Variants in NELL1 observed in about 807,000 individuals in gnomAD.
The protein encoded by NELL1 is protein kinase C-binding protein NELL1.
Under a neutral mutation model 107.4 loss-of-function variants are expected in NELL1, and 76 were observed. The ratio of observed to expected loss-of-function variants is 0.71; its 90% CI spans 0.59 to 0.86. The LOEUF (loss-of-function observed/expected upper bound fraction) is 0.86. Ranked by LOEUF, NELL1 falls within the 40% of genes least tolerant of loss-of-function variation. The pLI is 0.00. For missense variants in NELL1, 1,024 were observed against 1,005.5 expected (o/e 1.02, Z -0.25); for synonymous variants, 353 against 341.2 (o/e 1.03, Z -0.38).
intron 2 of NELL1, among the ~76,000 whole-genome samples, chr11:20,745,926 G>C (rs2133939141): frequency 6.6e-6 from 1 of 152,284 alleles, no homozygotes; most frequent in East Asian, 1.9e-4. Context: ...GCTTCTCTGT[G>C]CTGGACCTCC....
chr11:21,420,811 A>C (rs1852647155), intron 15 of NELL1, among the ~76,000 whole-genome samples: 1 of 152,162 alleles, frequency 6.6e-6, no homozygotes, highest in Admixed American at 6.5e-5. Context: ...CAGTCTTCAA[A>C]ATGGCAGTAT....
At chr11:20,846,235 T>C (rs893757852) in intron 3 of NELL1, among the ~76,000 whole-genome samples, 1 of 152,150 alleles carries the variant, frequency 6.6e-6, no homozygotes, top group African/African-American at 2.4e-5. Context: ...ACTCTCTGCT[T>C]GCCCTTCACT....
At position 21,118,780 on chromosome 11, in the gene NELL1, G is replaced by A. The variant is rs375685519; in HGVS notation, c.1426+5066G>A. Among the ~76,000 whole-genome samples, 43 of 152,026 alleles carry A rather than the reference G, an allele frequency of 2.8e-4. No homozygotes were observed. In the East Asian group the frequency reaches 5.0e-3, roughly 18 times the overall value. ...CAGCTGGTTTTATAACCATGTCAAG[G>A]TCATATTTTTTTCCTTTCTTTTGCT... On this transcript the variant is annotated intron_variant, in intron 13 of 19. Coordinates refer to ENST00000357134, the MANE Select transcript of NELL1 (RefSeq NM_006157.5).
At chr11:21,404,006 C>CCA (rs554434779) in intron 15 of NELL1, among the ~76,000 whole-genome samples, 8 of 10,254 alleles carry the variant, frequency 7.8e-4, no homozygotes, top group Non-Finnish European at 1.9e-3. Flanking sequence ...CATTCCTGAA[C>CCA]CCCCCCCCCC....
At chr11:21,405,748 T>G (rs1017043435) in intron 15 of NELL1, among the ~76,000 whole-genome samples, 1 of 151,978 alleles carries the variant, frequency 6.6e-6, no homozygotes, top group Non-Finnish European at 1.5e-5. Flanking sequence ...TGGTGAAAGA[T>G]GGACACATCA....
At chr11:21,434,343 A>G (rs1036915768) in intron 15 of NELL1, among the ~76,000 whole-genome samples, 1 of 152,082 alleles carries the variant, frequency 6.6e-6, no homozygotes, top group Non-Finnish European at 1.5e-5. Context: ...TTAAGTCTTT[A>G]ATTCATTTTT....
chr11:20,906,676 T>C (rs1417071204), intron 5 of NELL1, among the ~76,000 whole-genome samples: 2 of 151,944 alleles, frequency 1.3e-5, no homozygotes, highest in African/African-American at 4.8e-5. Context: ...CCCAGGAGAA[T>C]GGTTTAACAT....
intron 2 of NELL1, among the ~76,000 whole-genome samples, chr11:20,700,513 A>C (rs1370285254): frequency 1.3e-5 from 2 of 151,898 alleles, no homozygotes; most frequent in African/African-American, 4.8e-5. Context: ...TATATATTTC[A>C]ATAAAATTTT....
At position 21,060,772 on chromosome 11, in the gene NELL1, G is replaced by A. The variant is rs1265212351; in HGVS notation, c.1301-52817G>A. Among the ~76,000 whole-genome samples the A allele has an allele frequency of 5.3e-5, 8 of 152,154 alleles. No individual in the cohort carries two copies. The East Asian group carries it at 1.2e-3, about 22-fold the overall frequency. ...GCTGGAGTGCAATGGCATGATCTCCGCTCACTGCAACCTTCGCCTCCCAGG... is the reference window on the plus strand; with the variant it reads ...GCTGGAGTGCAATGGCATGATCTCCACTCACTGCAACCTTCGCCTCCCAGG... On this transcript the variant is annotated intron_variant, in intron 12 of 19. Coordinates refer to ENST00000357134, the MANE Select transcript of NELL1 (RefSeq NM_006157.5).
chr11:21,072,711 A>G (rs1854044247), intron 12 of NELL1, among the ~76,000 whole-genome samples: 1 of 152,212 alleles, frequency 6.6e-6, no homozygotes, highest in South Asian at 2.1e-4. Context: ...AGAGGAACTG[A>G]AAAAGAAGTG....
chr11:20,907,060 C>G (rs1590402510), intron 5 of NELL1, among the ~76,000 whole-genome samples: 1 of 151,820 alleles, frequency 6.6e-6, no homozygotes, highest in Non-Finnish European at 1.5e-5. Flanking sequence ...CTCACAGATG[C>G]CATGATTCTA....
chr11:20,949,849 C>A (rs1851036371), intron 11 of NELL1, among the ~76,000 whole-genome samples: 1 of 152,192 alleles, frequency 6.6e-6, no homozygotes, highest in Non-Finnish European at 1.5e-5. Flanking sequence ...TGATCTTAGG[C>A]AGGGCCCGTC....
At chr11:21,068,542 TACTC>T (rs1853935246) in intron 12 of NELL1, among the ~76,000 whole-genome samples, 1 of 152,196 alleles carries the variant, frequency 6.6e-6, no homozygotes, top group Non-Finnish European at 1.5e-5. Context: ...GTCTGATTCT[TACTC>T]TCTTCTCACT....
intron 14 of NELL1, among the ~76,000 whole-genome samples, chr11:21,270,561 C>T (rs993429020): frequency 6.6e-6 from 1 of 152,028 alleles, no homozygotes; most frequent in Admixed American, 6.5e-5. Context: ...GAAAGAGAAA[C>T]AGATGAATTC....
intron 15 of NELL1, among the ~76,000 whole-genome samples, chr11:21,525,231 G>A (rs183280874): frequency 4.6e-5 from 7 of 152,318 alleles, no homozygotes; most frequent in Admixed American, 3.3e-4. Context: ...AAGAAAGTTA[G>A]AGAGCTATAT....
At chr11:21,097,914 T>TA (rs1181258782) in intron 12 of NELL1, among the ~76,000 whole-genome samples, 1 of 151,716 alleles carries the variant, frequency 6.6e-6, no homozygotes, top group Non-Finnish European at 1.5e-5. Context: ...CAAATGCACA[T>TA]ATCTCATTTG....
intron 2 of NELL1, among the ~76,000 whole-genome samples, chr11:20,770,009 A>G (rs187990441): frequency 1.7e-4 from 26 of 152,316 alleles, no homozygotes; most frequent in Non-Finnish European, 1.0e-4. Context: ...AATACACTGA[A>G]GGAATAATTT....
chr11:21,055,452 G>T (rs1382484557), intron 12 of NELL1, among the ~76,000 whole-genome samples: 2 of 152,022 alleles, frequency 1.3e-5, no homozygotes, highest in African/African-American at 2.4e-5. Flanking sequence ...TCCCTCTTTT[G>T]CAAGTCAACT....
chr11:20,877,077 C>A (rs183800111), intron 4 of NELL1, among the ~76,000 whole-genome samples: 1 of 152,106 alleles, frequency 6.6e-6, no homozygotes, highest in Non-Finnish European at 1.5e-5. Flanking sequence ...TGCAAGGTCA[C>A]CCATTACCAT....
Sources: gnomAD v4.1 joint callset for allele counts (sites outside exome capture counted in the v4.1 genomes callset) on GRCh38, gnomAD v4.1.1 for gene constraint, MANE v1.5 for transcripts, NCBI Gene and HGNC (gene_info 2026-07-23, HGNC 2026-07-21) for gene names.